GHR: variants seen among roughly 807,000 people sequenced by gnomAD.
GHR encodes the protein GH receptor.
GHR carries 35 observed loss-of-function variants against 67.1 expected under a neutral mutation model. The observed-to-expected ratio is 0.52, with a 90% CI of 0.40 to 0.69. The LOEUF is 0.69. GHR is among the 30% of genes least tolerant of loss of function. The probability of loss-of-function intolerance (pLI) is 0.00; values close to 1 mark genes in which losing one functional copy is unlikely to be tolerated. For synonymous variants in GHR, 272 were observed against 269.1 expected (o/e 1.01, Z -0.10); for missense variants, 792 against 764.6 (o/e 1.04, Z -0.42).
At chr5:42,514,007 A>C (rs1747134922) in intron 1 of GHR, 2 of 554,796 alleles carry the variant, frequency 3.6e-6, no homozygotes, top group African/African-American at 4.1e-5. Context: ...CTTTGAAAAA[A>C]TGATTTTATT....
intron 9 of GHR, 40 bp from the exon 10 acceptor site, chr5:42,718,412 AG>A (rs751753180): frequency 7.1e-7 from 1 of 1,406,430 alleles, no homozygotes; most frequent in South Asian, 1.2e-5. Context: ...AATTATTATG[AG>A]TTTCTTTTCA....
At chr5:42,672,946 T>G (rs1479858423) in intron 3 of GHR, among the ~76,000 whole-genome samples, 2 of 152,088 alleles carry the variant, frequency 1.3e-5, no homozygotes, top group African/African-American at 4.8e-5. Context: ...GCTCTTAGTT[T>G]AAGAAAAAGA....
chr5:42,685,911 A>G (rs538667438), intron 3 of GHR, among the ~76,000 whole-genome samples: 1 of 152,168 alleles, frequency 6.6e-6, no homozygotes, highest in East Asian at 1.9e-4. Flanking sequence ...CTCTGCTGGT[A>G]GTTTCTTTTG....
chr5:42,718,161 T>C, intron 9 of GHR, 40 bp downstream of exon 9: 1 of 997,408 alleles, frequency 1.0e-6, no homozygotes, highest in Non-Finnish European at 1.6e-6. Flanking sequence ...TAGTACTAAT[T>C]AACACCTGAA....
intron 1 of GHR, among the ~76,000 whole-genome samples, chr5:42,440,423 G>A (rs1226354012): frequency 6.6e-6 from 1 of 152,170 alleles, no homozygotes; most frequent in African/African-American, 2.4e-5. Context: ...AAGATACTTA[G>A]TACTTCTGAG....
chr5:42,441,595 C>T (rs547874566), intron 1 of GHR, among the ~76,000 whole-genome samples: 10 of 152,092 alleles, frequency 6.6e-5, no homozygotes, highest in African/African-American at 2.2e-4. Flanking sequence ...CTGCAAGCTC[C>T]GCCTCCTGGG....
intron 2 of GHR, among the ~76,000 whole-genome samples, chr5:42,612,235 T>A (rs1001373680): frequency 6.6e-6 from 1 of 152,192 alleles, no homozygotes; most frequent in Non-Finnish European, 1.5e-5. Flanking sequence ...TGAAAATTAC[T>A]GTTCATGTAA....
chr5:42,551,173 G>A (rs763863804), intron 1 of GHR, among the ~76,000 whole-genome samples: 1 of 152,172 alleles, frequency 6.6e-6, no homozygotes, highest in Non-Finnish European at 1.5e-5. Flanking sequence ...TGATGCAGTA[G>A]GCCTGTGTCT....
At chr5:42,645,884 TGAG>T (rs1466913314) in intron 3 of GHR, among the ~76,000 whole-genome samples, 1 of 152,238 alleles carries the variant, frequency 6.6e-6, no homozygotes, top group Non-Finnish European at 1.5e-5. Flanking sequence ...GTCTCAGAAC[TGAG>T]GAGAGTACTC....
rs180918718 is a variant in GHR, at chr5:42,634,128, C to A, written c.136+5025C>A. Among the ~76,000 whole-genome samples, 1,175 of 149,320 alleles carry A rather than the reference C, an allele frequency of 7.9e-3. 6 individuals carry two copies. Among genetic ancestry groups the A allele is most frequent in the South Asian group, 0.021 (97 of 4,702 alleles). On this transcript the variant is annotated intron_variant, in intron 3 of 9. Transcript: ENST00000230882. ...TCTCTAAATTTTATGATCTCTTTGT[C>A]TTTTTTTTTTCATCTCTAAAATAAA...
intron 1 of GHR, among the ~76,000 whole-genome samples, chr5:42,487,043 A>G (rs1745917163): frequency 6.6e-6 from 1 of 152,138 alleles, no homozygotes; most frequent in Non-Finnish European, 1.5e-5. Context: ...AGTATCATCC[A>G]TATCTCAGGC....
rs1377132518 is a variant in GHR at position 42,719,263 on chromosome 5, C to G, written c.1756C>G (p.Pro586Ala). Residue 586 changes from proline to alanine, a missense_variant, in exon 10 of 10, where the codon CCA (proline) becomes GCA (alanine). Pro to Ala is a conservative substitution (Grantham distance 27). Coordinates refer to ENST00000230882, the MANE Select transcript of GHR (RefSeq NM_000163.5). ...GAGGCCTGGGACAGGAGAACATGTT[C>G]CAGGTTCTGAGATGCCTGTCCCAGA... ...AGRPGTGEHV[P>A]GSEMPVPDYT... 6.2e-7 allele frequency: 1 copy of G among 1,613,876 alleles called. No individual in the cohort carries two copies. Among genetic ancestry groups the G allele is most frequent in the African/African-American group, 1.3e-5 (1 of 74,918 alleles).
chr5:42,463,057 G>T (rs1744555579), intron 1 of GHR, among the ~76,000 whole-genome samples: 1 of 152,056 alleles, frequency 6.6e-6, no homozygotes, highest in Non-Finnish European at 1.5e-5. Context: ...CATACTAAAA[G>T]ATTGTAATAT....
chr5:42,479,302 A>G (rs1364152411), intron 1 of GHR, among the ~76,000 whole-genome samples: 2 of 151,990 alleles, frequency 1.3e-5, no homozygotes, highest in African/African-American at 4.8e-5. Context: ...TTTTATTGAG[A>G]ATTTTTGCAT....
intron 1 of GHR, among the ~76,000 whole-genome samples, chr5:42,536,050 T>C (rs1474179966): frequency 1.3e-5 from 2 of 152,130 alleles, no homozygotes; most frequent in African/African-American, 4.8e-5. Context: ...TTATCAGTTC[T>C]GGGAACTTTC....
At chr5:42,435,577 C>G (rs893413769) in intron 1 of GHR, among the ~76,000 whole-genome samples, 1 of 152,132 alleles carries the variant, frequency 6.6e-6, no homozygotes, top group Non-Finnish European at 1.5e-5. Flanking sequence ...TTTAGAGGTC[C>G]TGTATATTCC....
chr5:42,525,621 T>C (rs1747674619), intron 1 of GHR, among the ~76,000 whole-genome samples: 1 of 152,174 alleles, frequency 6.6e-6, no homozygotes, highest in East Asian at 1.9e-4. Context: ...ACATGAGATT[T>C]GGAGGGGCCA....
At position 42,686,125 on chromosome 5, in the gene GHR, G is replaced by A. The variant is rs1370198855; in HGVS notation, c.137-2765G>A. On this transcript the variant is annotated intron_variant, in intron 3 of 9. Transcript: ENST00000230882. The stretch of plus-strand genomic sequence containing the variant: ...TCTTGAGTTAATTTTTGTATAAGAT[G>A]AAAGGAAGGGATCCAGCTTCAGCTT... Among the ~76,000 whole-genome samples the A allele has an allele frequency of 2.0e-5, 3 of 151,966 alleles. No individual in the cohort carries two copies. The East Asian group carries it at 5.8e-4, about 29-fold the overall frequency.
At chr5:42,480,013 G>T (rs767474819) in intron 1 of GHR, among the ~76,000 whole-genome samples, 38 of 152,002 alleles carry the variant, frequency 2.5e-4, no homozygotes, top group African/African-American at 7.0e-4. Context: ...TGCTTTCTCT[G>T]GTGGGCATTT....
Sources: gnomAD v4.1 joint callset for allele counts (sites outside exome capture counted in the v4.1 genomes callset) on GRCh38, gnomAD v4.1.1 for gene constraint, MANE v1.5 for transcripts, NCBI Gene and HGNC (gene_info 2026-07-23, HGNC 2026-07-21) for gene names.